Variants in FRAS1 observed in about 807,000 individuals in gnomAD.
The protein encoded by FRAS1 is Fraser extracellular matrix complex subunit 1.
A neutral mutation model predicts 435.2 loss-of-function variants in FRAS1; 290 were observed. That is an observed-to-expected ratio of 0.67 (90% confidence interval 0.61 to 0.73). The LOEUF (loss-of-function observed/expected upper bound fraction) is 0.73, where lower values mean the gene tolerates loss of function less well. Ranked by LOEUF, FRAS1 falls within the 30% of genes least tolerant of loss-of-function variation. FRAS1 has a pLI of 0.00. For missense variants in FRAS1, 4,860 were observed against 5,001.5 expected, an observed-to-expected ratio of 0.97 and a Z score of 0.85; for synonymous variants, 1,800 against 1,851.0, an observed-to-expected ratio of 0.97 and a Z score of 0.71.
At chr4:78,146,932 A>T (rs1720444763) in intron 2 of FRAS1, among the ~76,000 whole-genome samples, 1 of 152,128 alleles carries the variant, frequency 6.6e-6, no homozygotes, top group Admixed American at 6.6e-5. Context: ...AAACACCCTG[A>T]CAAGACTCTA....
chr4:78,201,058 C>T (rs944321099), intron 2 of FRAS1, among the ~76,000 whole-genome samples: 1 of 151,966 alleles, frequency 6.6e-6, no homozygotes, highest in African/African-American at 2.4e-5. Flanking sequence ...TTTGTTCATA[C>T]TTTTCTGATC....
intron 2 of FRAS1, among the ~76,000 whole-genome samples, chr4:78,196,688 T>C (rs1722827223): frequency 6.6e-6 from 1 of 152,156 alleles, no homozygotes. Flanking sequence ...CTGATAGTGA[T>C]TGAGTATTGT....
chr4:78,223,808 T>C (rs1247093322), intron 2 of FRAS1, among the ~76,000 whole-genome samples: 2 of 152,136 alleles, frequency 1.3e-5, no homozygotes, highest in African/African-American at 4.8e-5. Context: ...CATTTAATAT[T>C]ATATTTCCAT....
chr4:78,241,295 C>G (rs899253038), intron 3 of FRAS1, among the ~76,000 whole-genome samples: 1 of 152,174 alleles, frequency 6.6e-6, no homozygotes, highest in Admixed American at 6.5e-5. Flanking sequence ...GACTGCAATG[C>G]CTGTTTACTT....
chr4:78,284,235 T>G (rs1025396703), intron 12 of FRAS1, among the ~76,000 whole-genome samples, 170 bp from the exon 13 acceptor site: 5 of 147,788 alleles, frequency 3.4e-5, no homozygotes, highest in African/African-American at 1.2e-4. Context: ...ATGTATTTTT[T>G]TTTTTTTTTT....
intron 41 of FRAS1, among the ~76,000 whole-genome samples, chr4:78,445,090 GA>G (rs1718759378): frequency 6.6e-6 from 1 of 152,238 alleles, no homozygotes; most frequent in African/African-American, 2.4e-5. Context: ...CTTATGTAGT[GA>G]AAGAGGGTTC....
At chr4:78,088,478 A>G (rs1006511506) in intron 2 of FRAS1, among the ~76,000 whole-genome samples, 1 of 151,970 alleles carries the variant, frequency 6.6e-6, no homozygotes, top group Non-Finnish European at 1.5e-5. Flanking sequence ...AACTACCATC[A>G]GAGTGAACAG....
At chr4:78,176,552 C>T (rs1179923644) in intron 2 of FRAS1, among the ~76,000 whole-genome samples, 1 of 152,214 alleles carries the variant, frequency 6.6e-6, no homozygotes, top group Admixed American at 6.5e-5. Flanking sequence ...TTCTCCCTGA[C>T]ACCTTCTCAT....
In FRAS1 at chr4:78,402,536, A is replaced by G. The variant is rs575240849; in HGVS notation, c.4129+1649A>G. On this transcript the variant is annotated intron_variant, in intron 30 of 73. Transcript: ENST00000512123. ...GGGTAAACATTAAAAAAATTTAAAAAAACATTTAGACTAAACAGTTGCAAA... is the reference window on the plus strand; with the variant it reads ...GGGTAAACATTAAAAAAATTTAAAAGAACATTTAGACTAAACAGTTGCAAA... Among the ~76,000 whole-genome samples the G allele has an allele frequency of 1.9e-4, 29 of 152,314 alleles. No individual in the cohort carries two copies. In the South Asian group the frequency reaches 6.0e-3, roughly 32 times the overall value.
intron 2 of FRAS1, among the ~76,000 whole-genome samples, chr4:78,183,016 G>C (rs1722100090): frequency 6.6e-6 from 1 of 152,112 alleles, no homozygotes; most frequent in African/African-American, 2.4e-5. Flanking sequence ...ACACAGCAGA[G>C]AAGCTGGAAA....
intron 70 of FRAS1, among the ~76,000 whole-genome samples, chr4:78,533,574 C>T (rs1265912090): frequency 6.6e-6 from 1 of 152,238 alleles, no homozygotes; most frequent in Non-Finnish European, 1.5e-5. Context: ...TTGAAAATGA[C>T]ACTGGCTCAT....
intron 20 of FRAS1, among the ~76,000 whole-genome samples, chr4:78,356,817 C>T (rs1227693043): frequency 6.6e-6 from 1 of 152,048 alleles, no homozygotes; most frequent in Non-Finnish European, 1.5e-5. Context: ...AAAAAATTCT[C>T]ATTTAAATCT....
In FRAS1 at chr4:78,159,932, T is replaced by C. The variant is rs562261744; in HGVS notation, c.109-77578T>C. Among the ~76,000 whole-genome samples, 57 of 152,252 alleles carry C rather than the reference T, an allele frequency of 3.7e-4. 1 individual carries two copies. Among genetic ancestry groups the C allele is most frequent in the Middle Eastern group, 3.4e-3 (1 of 294 alleles). On this transcript the variant is annotated intron_variant, in intron 2 of 73. Coordinates refer to ENST00000512123, the MANE Select transcript of FRAS1 (RefSeq NM_025074.7). ...AGCCTAGAACTAATTTCACGATTAT[T>C]CCTATATCTTATTACTCTCATTCAT...
intron 2 of FRAS1, among the ~76,000 whole-genome samples, chr4:78,117,252 G>A (rs934953542): frequency 1.3e-5 from 2 of 152,144 alleles, no homozygotes; most frequent in African/African-American, 4.8e-5. Flanking sequence ...TTTCTCTCTG[G>A]CTGCCCTTAA....
rs771270397 is a variant in FRAS1, at chr4:78,413,023, G to A, written c.4363G>A (p.Ala1455Thr). 31 of 1,610,134 alleles carry A rather than the reference G, an allele frequency of 1.9e-5. No homozygotes were observed. Among genetic ancestry groups the A allele is most frequent in the Admixed American group, 5.0e-5 (3 of 59,562 alleles). The change falls in exon 32 of 74, where the codon GCG becomes ACG. Residue 1455 changes from alanine (A) to threonine (T), a missense_variant. Transcript: ENST00000512123. Reference sequence around the variant, plus strand: ...CCTGGAGAGCCACATGTTCAACATCGCGATCTTACCACAGACACCTGAAGC... The same window carrying A: ...CCTGGAGAGCCACATGTTCAACATCACGATCTTACCACAGACACCTGAAGC... Reference protein sequence around the residue: ...TRLESHMFNIAILPQTPEAPK... With the variant: ...TRLESHMFNITILPQTPEAPK...
rs868012983 is a variant in FRAS1, at chr4:78,307,529, C to T, written c.1535-537C>T. On this transcript the variant is annotated intron_variant, in intron 14 of 73. Coordinates refer to ENST00000512123, the MANE Select transcript of FRAS1 (RefSeq NM_025074.7). Reference sequence around the variant, plus strand: ...GAGACTCCGTGGGCGTAGGACTCTCCGAGCCAGGTGCCGGATTTAATCTCC... The same window carrying T: ...GAGACTCCGTGGGCGTAGGACTCTCTGAGCCAGGTGCCGGATTTAATCTCC... Among the ~76,000 whole-genome samples, 60 of 152,194 alleles carry T rather than the reference C, an allele frequency of 3.9e-4. 1 individual carries two copies. Among genetic ancestry groups the T allele is most frequent in the South Asian group, 1.4e-3 (7 of 4,830 alleles).
chr4:78,106,052 C>T (rs1423868962), intron 2 of FRAS1, among the ~76,000 whole-genome samples: 2 of 130,660 alleles, frequency 1.5e-5, no homozygotes, highest in African/African-American at 3.0e-5. Flanking sequence ...GCTTAAGAAA[C>T]GGCGCACCAC....
At chr4:78,429,898 T>A (rs1441261396) in intron 36 of FRAS1, among the ~76,000 whole-genome samples, 1 of 152,200 alleles carries the variant, frequency 6.6e-6, no homozygotes, top group East Asian at 1.9e-4. Context: ...CTCACTTGGC[T>A]CTTTGTAGCT....
chr4:78,490,353 A>G (rs972763645), intron 59 of FRAS1, among the ~76,000 whole-genome samples: 2 of 152,212 alleles, frequency 1.3e-5, no homozygotes, highest in Non-Finnish European at 2.9e-5. Context: ...CAGAATATAC[A>G]TTCTTCTCAG....
Sources: allele counts gnomAD v4.1 joint callset (sites outside exome capture counted in the v4.1 genomes callset), GRCh38; gene constraint gnomAD v4.1.1; transcripts MANE v1.5; gene names NCBI Gene and HGNC (gene_info 2026-07-23, HGNC 2026-07-21).